TASP1: variants seen among roughly 807,000 people sequenced by gnomAD.
TASP1 encodes taspase 1.
TASP1 carries 16 observed loss-of-function variants against 56.6 expected under a neutral mutation model. That is an observed-to-expected ratio of 0.28 (90% confidence interval 0.19 to 0.43). The LOEUF (loss-of-function observed/expected upper bound fraction) is 0.43. TASP1 is among the 20% of genes least tolerant of loss of function. The probability of loss-of-function intolerance (pLI) is 1.00; values close to 1 mark genes in which losing one functional copy is unlikely to be tolerated. For synonymous variants in TASP1, 179 were observed against 184.2 expected (o/e 0.97, Z 0.23); for missense variants, 393 against 511.6 (o/e 0.77, Z 2.24).
At chr20:13,316,100 G>T in the TASP1 span, among the ~76,000 whole-genome samples, 1 of 151,880 alleles carries the variant, frequency 6.6e-6, no homozygotes, top group Non-Finnish European at 1.5e-5. Context: ...TATCAGAAAT[G>T]AAAGAGTGGA....
the TASP1 span, among the ~76,000 whole-genome samples, chr20:13,268,445 A>T: frequency 1.4e-5 from 2 of 141,462 alleles, no homozygotes; most frequent in Non-Finnish European, 1.5e-5. Flanking sequence ...CCTCTGTTGC[A>T]TTGAGTAATG....
the TASP1 span, among the ~76,000 whole-genome samples, chr20:13,143,244 C>T: frequency 6.6e-6 from 1 of 152,138 alleles, no homozygotes; most frequent in Non-Finnish European, 1.5e-5. Context: ...AAGAGGGACC[C>T]AGTTTTAGAG....
chr20:13,198,773 T>A, the TASP1 span, among the ~76,000 whole-genome samples: 2 of 152,060 alleles, frequency 1.3e-5, no homozygotes, highest in Admixed American at 6.5e-5. Context: ...TTTTTTCTTT[T>A]CTTTTTCTTT....
At chr20:13,495,827 A>T (rs898990872) in intron 10 of TASP1, among the ~76,000 whole-genome samples, 2 of 152,188 alleles carry the variant, frequency 1.3e-5, no homozygotes, top group Admixed American at 1.3e-4. Flanking sequence ...AAAATTACCT[A>T]AGACTGTGCT....
chr20:13,142,672 T>C, the TASP1 span, among the ~76,000 whole-genome samples: 16 of 152,220 alleles, frequency 1.1e-4, no homozygotes, highest in Admixed American at 2.6e-4. Flanking sequence ...CAGGTTCTCA[T>C]AATGCTGAAA....
chr20:13,560,465 C>T (rs1425645568), intron 7 of TASP1, among the ~76,000 whole-genome samples: 1 of 152,134 alleles, frequency 6.6e-6, no homozygotes, highest in Non-Finnish European at 1.5e-5. Context: ...TTATAGGAGA[C>T]ATTCCCCACA....
intron 10 of TASP1, among the ~76,000 whole-genome samples, chr20:13,500,774 G>C (rs2043918681): frequency 1.3e-5 from 2 of 151,948 alleles, no homozygotes; most frequent in East Asian, 3.9e-4. Context: ...AATGTCTGTA[G>C]AACAATATCG....
At chr20:13,440,390 G>T (rs2043171681) in intron 11 of TASP1, among the ~76,000 whole-genome samples, 1 of 152,126 alleles carries the variant, frequency 6.6e-6, no homozygotes. Flanking sequence ...AGATGACACA[G>T]CTATGCATCA....
intron 10 of TASP1, among the ~76,000 whole-genome samples, chr20:13,491,855 A>G (rs2146571551): frequency 6.6e-6 from 1 of 152,308 alleles, no homozygotes. Context: ...AAATTAAAAG[A>G]CCTTTATGTG....
At chr20:13,576,425 G>C (rs1286434598) in intron 6 of TASP1, among the ~76,000 whole-genome samples, 2 of 151,518 alleles carry the variant, frequency 1.3e-5, no homozygotes, top group African/African-American at 4.9e-5. Context: ...ATAAAAATGG[G>C]ACTAAAACAA....
At chr20:13,562,019 C>T (rs1214388022) in intron 7 of TASP1, among the ~76,000 whole-genome samples, 1 of 152,148 alleles carries the variant, frequency 6.6e-6, no homozygotes, top group Non-Finnish European at 1.5e-5. Context: ...GGACATTTTT[C>T]CAAAATGTCC....
the TASP1 span, among the ~76,000 whole-genome samples, chr20:13,250,392 G>T: frequency 2.6e-4 from 39 of 152,306 alleles, no homozygotes; most frequent in East Asian, 6.8e-3. Flanking sequence ...TACTGAAGAC[G>T]TGAGAATGAA....
At chr20:13,205,388 C>T in the TASP1 span, among the ~76,000 whole-genome samples, 3 of 152,174 alleles carry the variant, frequency 2.0e-5, no homozygotes, top group Non-Finnish European at 4.4e-5. Context: ...CTCCCTCAGA[C>T]TCTGTCATGT....
intron 1 of TASP1, among the ~76,000 whole-genome samples, chr20:13,637,346 TAAACA>T (rs1329764321): frequency 2.0e-5 from 3 of 152,206 alleles, no homozygotes; most frequent in Non-Finnish European, 4.4e-5. Context: ...CTCAAAAAGT[TAAACA>T]TAGAGTTACC....
intron 11 of TASP1, among the ~76,000 whole-genome samples, chr20:13,449,212 A>G (rs993558496): frequency 6.6e-6 from 1 of 152,086 alleles, no homozygotes; most frequent in Non-Finnish European, 1.5e-5. Context: ...TGGTAAACAA[A>G]GTTGATATGG....
the TASP1 span, among the ~76,000 whole-genome samples, chr20:13,211,792 C>A: frequency 6.6e-6 from 1 of 152,136 alleles, no homozygotes; most frequent in African/African-American, 2.4e-5. Flanking sequence ...GTAAACAGGC[C>A]AAATCCTACC....
At chr20:13,464,970 C>T (rs761445038) in intron 11 of TASP1, among the ~76,000 whole-genome samples, 23 of 151,402 alleles carry the variant, frequency 1.5e-4, no homozygotes, top group Non-Finnish European at 2.2e-4. Context: ...CAAGACCAGC[C>T]GGGGCAATAT....
intron 4 of TASP1, among the ~76,000 whole-genome samples, chr20:13,619,541 T>A (rs1436901367): frequency 1.3e-5 from 2 of 152,200 alleles, no homozygotes; most frequent in Non-Finnish European, 2.9e-5. Flanking sequence ...GGTAGCATCA[T>A]GACTCACCCA....
At chr20:13,552,237 C>A (rs1024710038) in intron 8 of TASP1, among the ~76,000 whole-genome samples, 45 of 152,276 alleles carry the variant, frequency 3.0e-4, no homozygotes, top group African/African-American at 8.7e-4. Context: ...CAAACCACTG[C>A]AAACATCAGT....
Sources: allele counts gnomAD v4.1 joint callset (sites outside exome capture counted in the v4.1 genomes callset), GRCh38; gene constraint gnomAD v4.1.1; transcripts MANE v1.5; gene names NCBI Gene and HGNC (gene_info 2026-07-23, HGNC 2026-07-21).